The following FOXK1 variants were observed in gnomAD, a reference collection of about 807,000 sequenced individuals.
FOXK1 encodes forkhead box protein K1.
Under a neutral mutation model 51.9 loss-of-function variants are expected in FOXK1, and 19 were observed. That is an observed-to-expected ratio of 0.37 (90% CI 0.26 to 0.54). FOXK1 has a LOEUF of 0.54. Among genes scored for constraint, FOXK1 ranks in the 20% least tolerant of loss-of-function variants. The pLI, the probability that FOXK1 is intolerant of heterozygous loss-of-function variation, is 0.87. For synonymous variants in FOXK1, 537 were observed against 482.6 expected, an observed-to-expected ratio of 1.11 and a Z score of -1.48; for missense variants, 870 against 1,032.7, an observed-to-expected ratio of 0.84 and a Z score of 2.16.
Position 4,723,584 on chromosome 7 carries a change from G to A in FOXK1, c.561-17254G>A, listed in dbSNP as rs142220978. 2.1e-3 allele frequency among the ~76,000 whole-genome samples: 324 copies of A among 152,240 alleles called. 1 individual carries two copies. Among genetic ancestry groups the A allele is most frequent in the African/African-American group, 7.5e-3 (313 of 41,540 alleles). Reference sequence around the variant, plus strand: ...CTACAAACACAGGTCCCTCCTCGCCGTGGTACAATCGCCACGGCACAGGAC... The same window carrying A: ...CTACAAACACAGGTCCCTCCTCGCCATGGTACAATCGCCACGGCACAGGAC... On this transcript the variant is annotated intron_variant, in intron 1 of 8. Transcript: ENST00000328914. The surrounding 1 kb of genome is among the most constrained non-coding windows in gnomAD (Gnocchi z 4.7).
intron 1 of FOXK1, among the ~76,000 whole-genome samples, chr7:4,694,602 G>A (rs1336797122): frequency 6.6e-6 from 1 of 152,168 alleles, no homozygotes; most frequent in Non-Finnish European, 1.5e-5. Flanking sequence ...AATGGATTCT[G>A]GGGCTTGGTC....
At chr7:4,712,504 CTT>C (rs1241483470) in intron 1 of FOXK1, among the ~76,000 whole-genome samples, 2 of 152,174 alleles carry the variant, frequency 1.3e-5, no homozygotes, top group Non-Finnish European at 2.9e-5. Context: ...GGCATAAACA[CTT>C]CTCAGAGGCA....
rs1481602565 is a variant in FOXK1, at chr7:4,754,635, C to T, written c.903+20C>T. The T allele has an allele frequency of 2.5e-6, 4 of 1,596,678 alleles. No individual in the cohort carries two copies. Among genetic ancestry groups the T allele is most frequent in the East Asian group, 2.2e-5 (1 of 44,688 alleles). Reference sequence around the variant, plus strand: ...CCCAAGGTCTGAGCCCACCTGGCGCCGTGGTGCACCTGGTGACCCAGGATC... The same window carrying T: ...CCCAAGGTCTGAGCCCACCTGGCGCTGTGGTGCACCTGGTGACCCAGGATC... On this transcript the variant is annotated intron_variant, in intron 3 of 8. Transcript: ENST00000328914.
At chr7:4,732,078 T>C (rs1256422897) in intron 1 of FOXK1, among the ~76,000 whole-genome samples, 1 of 152,232 alleles carries the variant, frequency 6.6e-6, no homozygotes, top group Non-Finnish European at 1.5e-5. Flanking sequence ...GCCGCTGCAC[T>C]GTTCCACTTG....
Position 4,726,115 on chromosome 7 carries a change from G to A in FOXK1, c.561-14723G>A, listed in dbSNP as rs185629207. 4.7e-3 allele frequency among the ~76,000 whole-genome samples: 715 copies of A among 152,206 alleles called. 16 individuals carry two copies. Among genetic ancestry groups the A allele is most frequent in the Middle Eastern group, 6.8e-3 (2 of 294 alleles). ...CTTGAGCTTTGCCGCTGTCTTCAAGGATGGTATCTAAAGGGAAAGTCTTAA... is the reference window on the plus strand; with the variant it reads ...CTTGAGCTTTGCCGCTGTCTTCAAGAATGGTATCTAAAGGGAAAGTCTTAA... On this transcript the variant is annotated intron_variant, in intron 1 of 8. Coordinates refer to ENST00000328914, the MANE Select transcript of FOXK1 (RefSeq NM_001037165.2).
chr7:4,757,545 G>A (rs1460884907), intron 5 of FOXK1, among the ~76,000 whole-genome samples: 3 of 144,662 alleles, frequency 2.1e-5, no homozygotes, highest in Admixed American at 1.5e-4. Flanking sequence ...TAGGAGAATC[G>A]CTTGAATCTC....
intron 1 of FOXK1, among the ~76,000 whole-genome samples, chr7:4,685,345 G>GCTGGGA: frequency 6.6e-6 from 1 of 150,876 alleles, no homozygotes; most frequent in South Asian, 2.1e-4. Flanking sequence ...CTCCTGAGTG[G>GCTGGGA]CTGGGACTAC....
intron 1 of FOXK1, among the ~76,000 whole-genome samples, chr7:4,685,956 ATG>A (rs1779812713): frequency 6.6e-6 from 1 of 151,198 alleles, no homozygotes. Context: ...AAAAAACAAA[ATG>A]AAAAAAAAAA....
intron 1 of FOXK1, among the ~76,000 whole-genome samples, chr7:4,689,549 AC>A (rs1375746502): frequency 6.6e-6 from 1 of 152,188 alleles, no homozygotes; most frequent in Non-Finnish European, 1.5e-5. Context: ...CCACCCTGGA[AC>A]CTTGTTACGA....
intron 1 of FOXK1, among the ~76,000 whole-genome samples, chr7:4,726,102 C>T (rs543156301): frequency 2.6e-5 from 4 of 151,886 alleles, no homozygotes; most frequent in Non-Finnish European, 4.4e-5. Context: ...TGAGCTTTGC[C>T]GCTGTCTTCA....
rs1178575877 is a variant in FOXK1, at chr7:4,769,747, A to G, written c.*7283A>G. ...TGAGCCACCGCGCCTGGCCTCTGTC[A>G]CTTTTTTTGCTCCTTACCCAGTTTT... On this transcript the variant is annotated 3_prime_UTR_variant, in exon 9 of 9. Transcript: ENST00000328914. The surrounding 1 kb of genome is among the most constrained non-coding windows in gnomAD (Gnocchi z 4.1). 2.6e-5 allele frequency: 4 copies of G among 152,088 alleles called. No individual in the cohort carries two copies. Among genetic ancestry groups the G allele is most frequent in the Admixed American group, 1.3e-4 (2 of 15,268 alleles). The allele number at this position is 152,088 out of a possible 1,614,324, so 9.4% of individuals were successfully genotyped here.
At chr7:4,738,819 C>G (rs1480344625) in intron 1 of FOXK1, among the ~76,000 whole-genome samples, 1 of 152,176 alleles carries the variant, frequency 6.6e-6, no homozygotes, top group Non-Finnish European at 1.5e-5. Context: ...CGGGGAGAAT[C>G]AGGACTGGCC....
rs998501484 is a variant in FOXK1, at chr7:4,707,772, C to T, written c.560+24904C>T. On this transcript the variant is annotated intron_variant, in intron 1 of 8. Coordinates refer to ENST00000328914, the MANE Select transcript of FOXK1 (RefSeq NM_001037165.2). The surrounding 1 kb of genome is among the most constrained non-coding windows in gnomAD (Gnocchi z 4.1). ...CGATCGTGGCTCTCTGCAACCTCCG[C>T]CTCCTGGGTTCAAGCAATTCTCCTA... Among the ~76,000 whole-genome samples, 5 of 151,988 alleles carry T rather than the reference C, an allele frequency of 3.3e-5. No individual in the cohort carries two copies. Among genetic ancestry groups the T allele is most frequent in the Non-Finnish European group, 5.9e-5 (4 of 67,994 alleles).
intron 3 of FOXK1, 53 bp downstream of exon 3, chr7:4,754,668 A>T: frequency 6.4e-7 from 1 of 1,569,080 alleles, no homozygotes; most frequent in African/African-American, 1.3e-5. Context: ...ATCGGGCCAT[A>T]GTGACCCGGC....
At position 4,703,532 on chromosome 7, in the gene FOXK1, C is replaced by T. The variant is rs1339357873; in HGVS notation, c.560+20664C>T. 6.6e-6 allele frequency among the ~76,000 whole-genome samples: 1 copy of T among 152,212 alleles called. No individual in the cohort carries two copies. The highest frequency in any genetic ancestry group is 1.5e-5 in the Non-Finnish European group (1 of 68,024). On this transcript the variant is annotated intron_variant, in intron 1 of 8. Coordinates refer to ENST00000328914, the MANE Select transcript of FOXK1 (RefSeq NM_001037165.2). This position sits in a 1 kb window ranked among gnomAD's most constrained non-coding sequence, Gnocchi z 5.6. ...CTGCTGCGCGGGAGGGAAAGAGCCA[C>T]AACAAGTTGAAGGTGCCCAGGAGAC...
At chr7:4,699,125 C>T (rs1779988823) in intron 1 of FOXK1, among the ~76,000 whole-genome samples, 1 of 152,138 alleles carries the variant, frequency 6.6e-6, no homozygotes, top group Non-Finnish European at 1.5e-5. Context: ...AGTTCATCAG[C>T]CCTTCTTTGT....
chr7:4,762,246 A>T lies in FOXK1; in HGVS notation c.1984A>T (p.Thr662Ser). 2 of 1,552,564 alleles carry T rather than the reference A, an allele frequency of 1.3e-6. No individual in the cohort carries two copies. The highest frequency in any genetic ancestry group is 1.7e-6 in the Non-Finnish European group (2 of 1,147,636). The change falls in exon 9 of 9, where the codon ACC becomes TCC. Residue 662 changes from threonine to serine, a missense_variant. By Grantham distance (58) the Thr-to-Ser change is moderately conservative. Coordinates refer to ENST00000328914, the MANE Select transcript of FOXK1 (RefSeq NM_001037165.2). This position sits in a 1 kb window ranked among gnomAD's most constrained non-coding sequence, Gnocchi z 5.7. The stretch of plus-strand genomic sequence containing the variant: ...GAGTTCATCCGCGCCGGTGGTGGTC[A>T]CCCGGGTGTGCGAGGTGGGGCCCAA... ...QASSSAPVVV[T>S]RVCEVGPKEP...
chr7:4,735,849 G>C lies in FOXK1; in HGVS notation c.561-4989G>C, dbSNP rs1780545882. On this transcript the variant is annotated intron_variant, in intron 1 of 8. Coordinates refer to ENST00000328914, the MANE Select transcript of FOXK1 (RefSeq NM_001037165.2). This position sits in a 1 kb window ranked among gnomAD's most constrained non-coding sequence, Gnocchi z 4.7. ...ACTGGCAAACTCCCTGAGCATGCTG[G>C]GGAAACATCTATTTAAAAATCAAGC... Among the ~76,000 whole-genome samples the C allele has an allele frequency of 6.6e-6, 1 of 152,146 alleles. No individual in the cohort carries two copies. The highest frequency in any genetic ancestry group is 1.5e-5 in the Non-Finnish European group (1 of 68,040).
Position 4,768,099 on chromosome 7 carries a change from A to G in FOXK1, c.*5635A>G, listed in dbSNP as rs1474695540. 2 of 150,352 alleles carry G rather than the reference A, an allele frequency of 1.3e-5. No individual in the cohort carries two copies. Among genetic ancestry groups the G allele is most frequent in the Non-Finnish European group, 2.9e-5 (2 of 68,032 alleles). The allele number at this position is 150,352 out of a possible 1,614,324, so 9.3% of individuals were successfully genotyped here. A position where few individuals can be genotyped will look rare whatever the true frequency, so the allele number is the denominator to read the frequency against. ...TTTCCCTCTGGACTGAAATTTTAAA[A>G]ACAGACCCATTTCACTGACTTCTTT... is the stretch of plus-strand genomic sequence containing the variant. On this transcript the variant is annotated 3_prime_UTR_variant, in exon 9 of 9. Coordinates refer to ENST00000328914, the MANE Select transcript of FOXK1 (RefSeq NM_001037165.2).
Sources: gnomAD v4.1 joint callset for allele counts (sites outside exome capture counted in the v4.1 genomes callset) on GRCh38, gnomAD v4.1.1 for gene constraint, Gnocchi (gnomAD v3.1) non-coding constraint, MANE v1.5 for transcripts, NCBI Gene and HGNC (gene_info 2026-07-23, HGNC 2026-07-21) for gene names.